Variants in ATG4C observed in about 807,000 individuals in gnomAD.
ATG4C encodes autophagy related 4C cysteine peptidase, also known as cysteine protease ATG4C.
ATG4C carries 56 observed loss-of-function variants against 57.6 expected under a neutral mutation model. That is an observed-to-expected ratio of 0.97 (90% confidence interval 0.78 to 1.21). The LOEUF (loss-of-function observed/expected upper bound fraction) is 1.21. ATG4C is among the 50% of genes most tolerant of loss of function. The pLI, the probability that ATG4C is intolerant of heterozygous loss-of-function variation, is 0.00. For missense variants in ATG4C, 595 were observed against 529.8 expected, an observed-to-expected ratio of 1.12 and a Z score of -1.21; for synonymous variants, 157 against 174.1, an observed-to-expected ratio of 0.90 and a Z score of 0.78.
Position 62,819,001 on chromosome 1 carries a change from A to G in ATG4C, c.395-4A>G, listed in dbSNP as rs370925735. On this transcript the variant is annotated splice_polypyrimidine_tract_variant and splice_region_variant and intron_variant, in intron 4 of 10. Transcript: ENST00000317868. ...CTGAACACTTTGCTTTGGAACTACT[A>G]TAGCTTGGACCTGGCCTGATGCTTT... 54 of 1,531,982 alleles carry G rather than the reference A, an allele frequency of 3.5e-5. No homozygotes were observed. Among genetic ancestry groups the G allele is most frequent in the East Asian group, 3.2e-4 (14 of 44,352 alleles). The allele number at this position is 1,531,982 out of a possible 1,614,324, so 94.9% of individuals were successfully genotyped here. A position where few individuals can be genotyped will look rare whatever the true frequency, so the allele number is the denominator to read the frequency against.
At chr1:62,858,518 G>A (rs772892934) in intron 10 of ATG4C, among the ~76,000 whole-genome samples, 1 of 152,190 alleles carries the variant, frequency 6.6e-6, no homozygotes, top group African/African-American at 2.4e-5. Flanking sequence ...TATAGAAGGA[G>A]TGAATGTAGA....
chr1:62,857,202 G>A (rs551327458), intron 10 of ATG4C, among the ~76,000 whole-genome samples: 6 of 152,258 alleles, frequency 3.9e-5, no homozygotes, highest in African/African-American at 1.2e-4. Context: ...GCGGGTTAGC[G>A]AGCGAAGCTT....
At chr1:62,786,296 A>G (rs1664080932) in intron 1 of ATG4C, among the ~76,000 whole-genome samples, 1 of 152,206 alleles carries the variant, frequency 6.6e-6, no homozygotes, top group African/African-American at 2.4e-5. Flanking sequence ...ATATAGAGTG[A>G]ACAAGAAAAG....
chr1:62,854,915 C>G (rs1372151756), intron 10 of ATG4C, among the ~76,000 whole-genome samples: 1 of 152,094 alleles, frequency 6.6e-6, no homozygotes, highest in Non-Finnish European at 1.5e-5. Flanking sequence ...ATACTGAGGA[C>G]CCTACGGTTT....
chr1:62,836,714 C>T (rs1185766428), intron 9 of ATG4C, among the ~76,000 whole-genome samples: 2 of 151,980 alleles, frequency 1.3e-5, no homozygotes, highest in Non-Finnish European at 2.9e-5. Context: ...TAAAACCACC[C>T]TTATACTTCA....
At chr1:62,842,392 C>T (rs147508950) in intron 10 of ATG4C, among the ~76,000 whole-genome samples, 1,701 of 151,440 alleles carry the variant, frequency 0.011, 32 homozygotes, top group African/African-American at 0.039. Context: ...ACCCCTGCCT[C>T]CCAGATTCAA....
intron 1 of ATG4C, among the ~76,000 whole-genome samples, chr1:62,799,353 ACGAAAATAATTTT>A (rs1469553956): frequency 6.6e-6 from 1 of 152,216 alleles, no homozygotes; most frequent in African/African-American, 2.4e-5. Flanking sequence ...GTTTAACCTT[ACGAAAATAATTTT>A]ATCGTTCTCA....
chr1:62,850,881 T>C (rs1222008098), intron 10 of ATG4C, among the ~76,000 whole-genome samples: 1 of 77,432 alleles, frequency 1.3e-5, no homozygotes, highest in Non-Finnish European at 2.6e-5. Flanking sequence ...TATATATATA[T>C]ATATATATAT....
At chr1:62,809,961 G>A (rs1665022271) in intron 3 of ATG4C, among the ~76,000 whole-genome samples, 1 of 152,122 alleles carries the variant, frequency 6.6e-6, no homozygotes, top group South Asian at 2.1e-4. Flanking sequence ...AACACTGTTG[G>A]TGGGAGGGTA....
chr1:62,796,586 T>C (rs1409780670), intron 1 of ATG4C, among the ~76,000 whole-genome samples: 1 of 152,222 alleles, frequency 6.6e-6, no homozygotes, highest in African/African-American at 2.4e-5. Flanking sequence ...TTAGGAATTT[T>C]GTCATAGGAT....
chr1:62,799,765 A>C (rs1403510355), intron 1 of ATG4C, among the ~76,000 whole-genome samples: 1 of 152,320 alleles, frequency 6.6e-6, no homozygotes, highest in Admixed American at 6.5e-5. Flanking sequence ...TTGTATTACA[A>C]ACAATCCAGT....
chr1:62,827,165 T>C (rs1248049955), intron 6 of ATG4C, among the ~76,000 whole-genome samples: 1 of 152,146 alleles, frequency 6.6e-6, no homozygotes, highest in African/African-American at 2.4e-5. Context: ...GTCTTTACAA[T>C]GGCTTTCAAG....
intron 3 of ATG4C, among the ~76,000 whole-genome samples, chr1:62,810,676 C>CA (rs1665053211): frequency 6.6e-6 from 1 of 151,118 alleles, no homozygotes; most frequent in Non-Finnish European, 1.5e-5. Context: ...TTTTCAGTAT[C>CA]AGATAGGAAG....
rs1398496368 is a variant in ATG4C, at chr1:62,861,438, G to A, written c.1210-2554G>A. On this transcript the variant is annotated intron_variant, in intron 10 of 10. Transcript: ENST00000317868. ...CACATACCTGTAGTCCCAGCTACTCGGGAGCCTGAAGTAGAAGGATCATTT... is the reference window on the plus strand; with the variant it reads ...CACATACCTGTAGTCCCAGCTACTCAGGAGCCTGAAGTAGAAGGATCATTT... Among the ~76,000 whole-genome samples the A allele has an allele frequency of 3.3e-5, 5 of 152,096 alleles. No individual in the cohort carries two copies. The South Asian group carries it at 8.3e-4, about 25-fold the overall frequency.
chr1:62,804,290 C>T (rs577276897), intron 2 of ATG4C, among the ~76,000 whole-genome samples: 1 of 151,936 alleles, frequency 6.6e-6, no homozygotes, highest in Non-Finnish European at 1.5e-5. Context: ...TTGGGTTTCA[C>T]CATGTTGGTC....
intron 1 of ATG4C, among the ~76,000 whole-genome samples, chr1:62,799,125 T>G (rs1211477601): frequency 1.3e-5 from 2 of 152,114 alleles, no homozygotes; most frequent in Non-Finnish European, 1.5e-5. Context: ...CACTATGTTG[T>G]CCAGGCTGGT....
intron 9 of ATG4C, among the ~76,000 whole-genome samples, chr1:62,837,457 A>G (rs899563009): frequency 2.0e-5 from 3 of 152,182 alleles, no homozygotes; most frequent in Non-Finnish European, 4.4e-5. Context: ...AACAACCTTA[A>G]ACAAAAGTCA....
intron 10 of ATG4C, 74 bp from the exon 11 acceptor site, chr1:62,863,918 C>G: frequency 9.3e-7 from 1 of 1,072,576 alleles, no homozygotes; most frequent in East Asian, 2.6e-5. Context: ...AGGGCTAAAA[C>G]AGTAGATTTG....
intron 1 of ATG4C, among the ~76,000 whole-genome samples, chr1:62,797,790 T>A (rs1377092152): frequency 6.6e-6 from 1 of 152,174 alleles, no homozygotes; most frequent in African/African-American, 2.4e-5. Flanking sequence ...CCTGTCTGAT[T>A]TCTGGTTTTG....
Sources: allele counts gnomAD v4.1 joint callset (sites outside exome capture counted in the v4.1 genomes callset), GRCh38; gene constraint gnomAD v4.1.1; transcripts MANE v1.5; gene names NCBI Gene and HGNC (gene_info 2026-07-23, HGNC 2026-07-21).